EPRS1: variants seen among roughly 807,000 people sequenced by gnomAD.
EPRS1 encodes bifunctional glutamate/proline--tRNA ligase.
In EPRS1, 107 loss-of-function variants were observed where a neutral mutation model predicts 188.3. That is an observed-to-expected ratio of 0.57 (90% CI 0.49 to 0.67). The LOEUF is 0.67. Ranked by LOEUF, EPRS1 falls within the 30% of genes least tolerant of loss-of-function variation. The pLI, the probability that EPRS1 is intolerant of heterozygous loss-of-function variation, is 0.00. For synonymous variants in EPRS1, 596 were observed against 593.1 expected (o/e 1.00, Z -0.07); for missense variants, 1,577 against 1,802.2 (o/e 0.88, Z 2.26).
chr1:220,023,973 G>A (rs1661923336), intron 8 of EPRS1, among the ~76,000 whole-genome samples: 1 of 152,120 alleles, frequency 6.6e-6, no homozygotes, highest in Non-Finnish European at 1.5e-5. Context: ...CCAATATGGT[G>A]AAACCCCGTC....
intron 18 of EPRS1, among the ~76,000 whole-genome samples, chr1:219,995,843 G>A (rs1661221266): frequency 6.6e-6 from 1 of 152,118 alleles, no homozygotes; most frequent in Non-Finnish European, 1.5e-5. Context: ...TGTTGATAAG[G>A]TGAAGAACTT....
chr1:219,991,284 T>G (rs1444359643), intron 18 of EPRS1, among the ~76,000 whole-genome samples: 4 of 150,776 alleles, frequency 2.7e-5, no homozygotes, highest in Non-Finnish European at 4.4e-5. Flanking sequence ...CTAGAACCTT[T>G]CAAAATAGCC....
chr1:220,003,518 T>A (rs533826591), intron 16 of EPRS1, among the ~76,000 whole-genome samples: 1 of 152,172 alleles, frequency 6.6e-6, no homozygotes, highest in South Asian at 2.1e-4. Context: ...CTTCTAAGAG[T>A]TTTATAGTTT....
intron 4 of EPRS1, among the ~76,000 whole-genome samples, chr1:220,032,823 G>C (rs1662111608): frequency 1.3e-5 from 2 of 152,010 alleles, no homozygotes; most frequent in Non-Finnish European, 2.9e-5. Flanking sequence ...AGGAACTTTT[G>C]GGGGTGGTGG....
intron 1 of EPRS1, among the ~76,000 whole-genome samples, chr1:220,044,703 A>AAAAAAAAAAAAAAAAAAAAAAAAG: frequency 7.2e-6 from 1 of 139,732 alleles, no homozygotes; most frequent in African/African-American, 2.9e-5. Context: ...AAAAAAAAAA[A>AAAAAAAAAAAAAAAAAAAAAAAAG]AAAAAAAAAA....
chr1:220,027,935 A>C (rs1393398171), intron 6 of EPRS1, among the ~76,000 whole-genome samples: 1 of 152,098 alleles, frequency 6.6e-6, no homozygotes, highest in Non-Finnish European at 1.5e-5. Context: ...AAAAACTAAC[A>C]AAATCCCAAA....
chr1:220,044,266 A>T (rs1461694185), intron 1 of EPRS1, among the ~76,000 whole-genome samples: 1 of 152,246 alleles, frequency 6.6e-6, no homozygotes, highest in Non-Finnish European at 1.5e-5. Context: ...GGAATAATTA[A>T]ATCAAAAATT....
intron 10 of EPRS1, among the ~76,000 whole-genome samples, 165 bp downstream of exon 10, chr1:220,019,823 G>A (rs960970246): frequency 6.6e-6 from 1 of 152,156 alleles, no homozygotes; most frequent in Non-Finnish European, 1.5e-5. Flanking sequence ...AAACAAGAAG[G>A]GGAAGCCCTA....
chr1:219,972,091 T>C lies in EPRS1; in HGVS notation c.4301A>G (p.Gln1434Arg). The change falls in exon 30 of 32, where the codon CAG becomes CGG. Residue 1434 changes from glutamine to arginine, a missense_variant. Transcript: ENST00000366923. ...MVVANTMEDF[Q>R]KILDSGKIVQ... Reference sequence around the variant, plus strand: ...GACCTTTCCAGAATCTAGTATCTTCTGAAAGTCTTCCATTGTATTAGCCAC... The same window carrying C: ...GACCTTTCCAGAATCTAGTATCTTCCGAAAGTCTTCCATTGTATTAGCCAC... 6.3e-7 allele frequency: 1 copy of C among 1,598,818 alleles called. No homozygotes were observed. The highest frequency in any genetic ancestry group is 8.5e-7 in the Non-Finnish European group (1 of 1,173,396).
In EPRS1 at chr1:219,980,952, T is replaced by G. The variant is rs1336258520; in HGVS notation, c.3454-95A>C. 1.7e-5 allele frequency: 13 copies of G among 754,658 alleles called. No homozygotes were observed. The East Asian group carries it at 3.5e-4, about 20-fold the overall frequency. The allele number at this position is 754,658 out of a possible 1,614,324, so 46.7% of individuals were successfully genotyped here. On this transcript the variant is annotated intron_variant, in intron 24 of 31. Coordinates refer to ENST00000366923, the MANE Select transcript of EPRS1 (RefSeq NM_004446.3). ...TCTTGCTCTGTCCCCCAGGCTGGAG[T>G]GCAGTGGTGCAATCATGACTCACTG...
At chr1:219,979,261 G>T (rs1248239281) in intron 27 of EPRS1, among the ~76,000 whole-genome samples, 157 bp downstream of exon 27, 1 of 152,192 alleles carries the variant, frequency 6.6e-6, no homozygotes, top group African/African-American at 2.4e-5. Flanking sequence ...AATACACACA[G>T]TCACAAAACA....
chr1:219,992,518 T>C (rs975967761), intron 18 of EPRS1, among the ~76,000 whole-genome samples: 19 of 152,382 alleles, frequency 1.2e-4, no homozygotes, highest in African/African-American at 3.6e-4. Context: ...TAAAGGGCTA[T>C]ATAATAAATA....
chr1:220,040,058 G>C, intron 2 of EPRS1, 127 bp downstream of exon 2: 1 of 610,380 alleles, frequency 1.6e-6, no homozygotes, highest in Non-Finnish European at 2.9e-6. Flanking sequence ...CTGAGTCCAC[G>C]AGTTCTAGGT....
At chr1:220,000,935 C>T (rs1363532061) in intron 17 of EPRS1, among the ~76,000 whole-genome samples, 2 of 152,140 alleles carry the variant, frequency 1.3e-5, no homozygotes, top group African/African-American at 4.8e-5. Context: ...GAGCCCAGAT[C>T]GCGCCACAGC....
At chr1:220,012,062 A>C (rs1661616230) in intron 12 of EPRS1, among the ~76,000 whole-genome samples, 1 of 152,188 alleles carries the variant, frequency 6.6e-6, no homozygotes, top group Non-Finnish European at 1.5e-5. Flanking sequence ...GATATCGTGG[A>C]AATTCTGAAT....
At chr1:220,008,972 GCAATT>G (rs1356062881) in intron 13 of EPRS1, among the ~76,000 whole-genome samples, 2 of 152,148 alleles carry the variant, frequency 1.3e-5, no homozygotes, top group Non-Finnish European at 2.9e-5. Flanking sequence ...CACCAACCTA[GCAATT>G]TAATCTAAAC....
rs140568859 is a variant in EPRS1 at position 219,971,795 on chromosome 1, T to TATATATATATACACACACAC, written c.4323+273_4323+274insGTGTGTGTGTATATATATAT. On this transcript the variant is annotated intron_variant, in intron 30 of 31. Transcript: ENST00000366923. ...GTAGAAAACAAAGACTATATATATA[T>TATATATATATACACACACAC]ACATATACACACACACTATATTTAT... 4.6e-5 allele frequency among the ~76,000 whole-genome samples: 5 copies of TATATATATATACACACACAC among 108,400 alleles called. 1 individual carries two copies. The highest frequency in any genetic ancestry group is 1.3e-4 in the African/African-American group (4 of 31,232). 71.1% of individuals were successfully genotyped at this position (108,400 alleles called of 152,430 possible).
At position 219,979,546 on chromosome 1, in the gene EPRS1, T is replaced by C. The variant is rs775267862; in HGVS notation, c.3781A>G (p.Ile1261Val). Residue 1261 changes from isoleucine (I) to valine (V), a missense_variant, in exon 27 of 32, where the codon ATA (isoleucine) becomes GTA (valine). Ile to Val is a conservative substitution (Grantham distance 29). Coordinates refer to ENST00000366923, the MANE Select transcript of EPRS1 (RefSeq NM_004446.3). ...MFEIVFEDPK[I>V]PGEKQFAYQN... ...TAGGCAAATTGCTTCTCTCCTGGTA[T>C]CTTTGGATCTTCAAAAACGATTTCA... is the stretch of plus-strand genomic sequence containing the variant. 3.1e-6 allele frequency: 5 copies of C among 1,613,880 alleles called. No homozygotes were observed. The highest frequency in any genetic ancestry group is 4.2e-6 in the Non-Finnish European group (5 of 1,179,884).
intron 2 of EPRS1, among the ~76,000 whole-genome samples, chr1:220,036,650 A>C (rs1344011356): frequency 6.6e-6 from 1 of 152,174 alleles, no homozygotes. Flanking sequence ...ACATGAACAC[A>C]AAAAAGGGAA....
Sources: gnomAD v4.1 joint callset for allele counts (sites outside exome capture counted in the v4.1 genomes callset) on GRCh38, gnomAD v4.1.1 for gene constraint, MANE v1.5 for transcripts, NCBI Gene and HGNC (gene_info 2026-07-23, HGNC 2026-07-21) for gene names.